Variants in LINGO2 observed in about 807,000 individuals in gnomAD.
LINGO2 encodes the protein leucine-rich repeat and immunoglobulin-like domain-containing nogo receptor-interacting protein 2.
A neutral mutation model predicts 30.6 loss-of-function variants in LINGO2; 14 were observed. The observed-to-expected ratio is 0.46, with a 90% confidence interval of 0.30 to 0.72. The LOEUF is 0.72. Ranked by LOEUF, LINGO2 falls within the 30% of genes least tolerant of loss-of-function variation. The pLI is 0.07. For synonymous variants in LINGO2, 317 were observed against 288.5 expected, an observed-to-expected ratio of 1.10 and a Z score of -1.00; for missense variants, 729 against 751.7, an observed-to-expected ratio of 0.97 and a Z score of 0.35.
At chr9:29,155,774 CTA>C in the LINGO2 span, among the ~76,000 whole-genome samples, 1 of 151,872 alleles carries the variant, frequency 6.6e-6, no homozygotes, top group African/African-American at 2.4e-5. Flanking sequence ...GTCAATAATG[CTA>C]TGTTTGTGTT....
At chr9:28,672,763 C>A (rs1373384318), upstream of LINGO2, among the ~76,000 whole-genome samples, 1 of 152,056 alleles carries the variant, frequency 6.6e-6, no homozygotes, top group Non-Finnish European at 1.5e-5. Flanking sequence ...AATCCTGAAA[C>A]CTCATAAGAT....
intron 1 of LINGO2, among the ~76,000 whole-genome samples, chr9:28,603,706 A>T (rs1307024452): frequency 2.0e-5 from 3 of 152,066 alleles, no homozygotes; most frequent in African/African-American, 7.2e-5. Flanking sequence ...CATTTTATTA[A>T]CCCAGTATTT....
chr9:27,978,677 A>G (rs956282210), intron 5 of LINGO2, among the ~76,000 whole-genome samples: 23 of 151,988 alleles, frequency 1.5e-4, no homozygotes, highest in African/African-American at 5.6e-4. Flanking sequence ...AGTCTATGGT[A>G]TTCTGTCATA....
At chr9:28,839,682 C>T in the LINGO2 span, among the ~76,000 whole-genome samples, 1 of 152,106 alleles carries the variant, frequency 6.6e-6, no homozygotes, top group Non-Finnish European at 1.5e-5. Context: ...TGCTGATTGG[C>T]CCATGGGCAG....
intron 1 of LINGO2, among the ~76,000 whole-genome samples, chr9:28,589,355 C>A (rs1824744411): frequency 6.6e-6 from 1 of 152,094 alleles, no homozygotes; most frequent in Admixed American, 6.6e-5. Flanking sequence ...AAGAGGAAGT[C>A]AAGTTGTCTC....
At chr9:28,708,089 A>G in the LINGO2 span, among the ~76,000 whole-genome samples, 1 of 152,180 alleles carries the variant, frequency 6.6e-6, no homozygotes, top group Non-Finnish European at 1.5e-5. Context: ...TAAGTCTACT[A>G]AATGGAACTT....
At chr9:28,678,775 T>C in the LINGO2 span, among the ~76,000 whole-genome samples, 1 of 152,146 alleles carries the variant, frequency 6.6e-6, no homozygotes, top group Non-Finnish European at 1.5e-5. Flanking sequence ...TTTGCTTTCC[T>C]GATAAACATG....
At chr9:29,171,009 T>C in the LINGO2 span, among the ~76,000 whole-genome samples, 8 of 152,094 alleles carry the variant, frequency 5.3e-5, no homozygotes, top group Non-Finnish European at 1.0e-4. Context: ...TCCTTTTCTT[T>C]TCTTTACTGT....
chr9:28,337,687 G>A (rs569915418), intron 3 of LINGO2, among the ~76,000 whole-genome samples: 4 of 152,246 alleles, frequency 2.6e-5, no homozygotes, highest in South Asian at 2.1e-4. Flanking sequence ...ATTGCTAAAG[G>A]GGGCCAAGTT....
intron 1 of LINGO2, among the ~76,000 whole-genome samples, chr9:28,482,576 C>T (rs1398676707): frequency 2.6e-5 from 4 of 152,004 alleles, no homozygotes; most frequent in South Asian, 2.1e-4. Context: ...TTGCAGGTTG[C>T]CTGTTCACTC....
At chr9:28,019,104 A>G (rs919096075) in intron 4 of LINGO2, among the ~76,000 whole-genome samples, 1 of 152,056 alleles carries the variant, frequency 6.6e-6, no homozygotes, top group African/African-American at 2.4e-5. Context: ...GAAGGGAAAA[A>G]CAGACACTGA....
At chr9:28,986,934 T>A in the LINGO2 span, among the ~76,000 whole-genome samples, 1 of 152,072 alleles carries the variant, frequency 6.6e-6, no homozygotes, top group Admixed American at 6.6e-5. Context: ...TTTATTTTAT[T>A]TTTTGTAGCT....
At chr9:29,127,368 T>A in the LINGO2 span, among the ~76,000 whole-genome samples, 9 of 152,236 alleles carry the variant, frequency 5.9e-5, no homozygotes, top group South Asian at 1.9e-3. Context: ...AGCCAGGAGG[T>A]AAGCCCAGAG....
chr9:28,411,175 T>C (rs868328497), intron 2 of LINGO2, among the ~76,000 whole-genome samples: 33 of 152,146 alleles, frequency 2.2e-4, no homozygotes, highest in African/African-American at 6.5e-4. Flanking sequence ...TTAACAGGCA[T>C]ATGAAAACAT....
the LINGO2 span, among the ~76,000 whole-genome samples, chr9:28,805,850 G>A: frequency 1.4e-4 from 22 of 151,982 alleles, no homozygotes; most frequent in African/African-American, 5.1e-4. Flanking sequence ...TTTGGAAAAA[G>A]TACCTTGAGA....
At chr9:28,012,428 A>C (rs1308445136) in intron 4 of LINGO2, 1 of 151,582 alleles carries the variant, frequency 6.6e-6, no homozygotes, top group African/African-American at 2.4e-5. Flanking sequence ...AAAAAAAAAA[A>C]GTTAATCAAA....
intron 5 of LINGO2, among the ~76,000 whole-genome samples, chr9:27,973,868 C>A (rs1193021194): frequency 2.0e-5 from 3 of 152,146 alleles, no homozygotes; most frequent in Non-Finnish European, 4.4e-5. Flanking sequence ...AAAGTGGCAG[C>A]TCTGTGTGTG....
intron 5 of LINGO2, among the ~76,000 whole-genome samples, chr9:27,957,913 A>T (rs1464298407): frequency 6.7e-6 from 1 of 150,156 alleles, no homozygotes; most frequent in African/African-American, 2.5e-5. Context: ...AGAAATAAAG[A>T]CAGTTTCATT....
chr9:29,149,478 AG>A, the LINGO2 span, among the ~76,000 whole-genome samples: 2 of 152,138 alleles, frequency 1.3e-5, no homozygotes, highest in African/African-American at 4.8e-5. Flanking sequence ...ATATTTGGAA[AG>A]AAAACACCAA....
Sources: allele counts gnomAD v4.1 joint callset (sites outside exome capture counted in the v4.1 genomes callset), GRCh38; gene constraint gnomAD v4.1.1; transcripts MANE v1.5; gene names NCBI Gene and HGNC (gene_info 2026-07-23, HGNC 2026-07-21).